Variants in MINDY3 observed in about 807,000 individuals in gnomAD.
MINDY3 encodes MINDY lysine 48 deubiquitinase 3, also known as ubiquitin carboxyl-terminal hydrolase MINDY-3.
MINDY3 carries 38 observed loss-of-function variants against 69.2 expected under a neutral mutation model. The observed-to-expected ratio is 0.55, with a 90% CI of 0.42 to 0.72. The LOEUF is 0.72. MINDY3 is among the 30% of genes least tolerant of loss of function. The pLI is 0.00. For missense variants in MINDY3, 522 were observed against 519.0 expected (o/e 1.01, Z -0.06); for synonymous variants, 192 against 180.1 (o/e 1.07, Z -0.53).
chr10:15,819,023 A>G (rs1429886662), intron 9 of MINDY3, among the ~76,000 whole-genome samples: 1 of 152,200 alleles, frequency 6.6e-6, no homozygotes, highest in Non-Finnish European at 1.5e-5. Context: ...AGTAGAGTCA[A>G]AAGTAGCCAT....
At chr10:15,811,737 A>T (rs1839015762) in intron 10 of MINDY3, among the ~76,000 whole-genome samples, 1 of 152,116 alleles carries the variant, frequency 6.6e-6, no homozygotes, top group Non-Finnish European at 1.5e-5. Context: ...GAAAAAAAAT[A>T]ACATATGTGC....
chr10:15,816,060 G>GT (rs1196363790), intron 10 of MINDY3, among the ~76,000 whole-genome samples: 2 of 152,126 alleles, frequency 1.3e-5, no homozygotes, highest in Non-Finnish European at 2.9e-5. Context: ...GAGGTTAGGA[G>GT]TTTGAGACCA....
In MINDY3 at chr10:15,837,290, A is replaced by G; in HGVS notation, c.490T>C (p.Leu164=). ...TACTGGTCCAAGACAGCATCTTTTA[A>G]TTCTGGTAAACTTCTGAACGATCTT... The part of the protein sequence containing the change: ...QKRSFRSLPE[L]KDAVLDQYSM... The change falls in exon 6 of 15, where the codon TTA becomes CTA. Residue 164 remains leucine (L), a synonymous_variant. Coordinates refer to ENST00000277632, the MANE Select transcript of MINDY3 (RefSeq NM_024948.4). 6.2e-7 allele frequency: 1 copy of G among 1,605,954 alleles called. No individual in the cohort carries two copies. Among genetic ancestry groups the G allele is most frequent in the Non-Finnish European group, 8.5e-7 (1 of 1,176,296 alleles).
intron 10 of MINDY3, among the ~76,000 whole-genome samples, chr10:15,801,829 C>T (rs774879648): frequency 3.2e-4 from 49 of 151,878 alleles, no homozygotes; most frequent in Non-Finnish European, 5.7e-4. Flanking sequence ...ATAGGATTTA[C>T]AGAGCCAATC....
intron 4 of MINDY3, 44 bp from the exon 5 acceptor site, chr10:15,838,323 A>G: frequency 6.6e-7 from 1 of 1,519,696 alleles, no homozygotes; most frequent in East Asian, 2.4e-5. Context: ...TGGCAAATAA[A>G]TGACACAAGA....
intron 14 of MINDY3, among the ~76,000 whole-genome samples, chr10:15,780,219 G>T (rs1836415663): frequency 6.6e-6 from 1 of 152,034 alleles, no homozygotes; most frequent in African/African-American, 2.4e-5. Context: ...TATAGGAATA[G>T]AATATATTAC....
chr10:15,829,885 G>A (rs572772007), intron 8 of MINDY3, among the ~76,000 whole-genome samples: 2 of 152,190 alleles, frequency 1.3e-5, no homozygotes, highest in South Asian at 4.1e-4. Context: ...AGATAATTTA[G>A]CAGTTTGCCC....
chr10:15,826,662 A>T (rs776293512), intron 8 of MINDY3, among the ~76,000 whole-genome samples: 1 of 152,230 alleles, frequency 6.6e-6, no homozygotes, highest in South Asian at 2.1e-4. Context: ...ATGCTAATGA[A>T]TATCAAAGTA....
chr10:15,832,895 G>T (rs1832828974), intron 8 of MINDY3, among the ~76,000 whole-genome samples: 1 of 152,100 alleles, frequency 6.6e-6, no homozygotes, highest in Non-Finnish European at 1.5e-5. Context: ...AATTATATTT[G>T]CTCTGTTTGA....
In MINDY3 at chr10:15,860,267, C is replaced by T. The variant is rs770226961; in HGVS notation, c.33G>A (p.Leu11=). Residue 11 remains leucine (L), a synonymous_variant, in exon 1 of 15, where the codon CTG becomes CTA. Transcript: ENST00000277632. The part of the protein sequence containing the change: MSELTKELME[L]VWGTKSSPGL... ...CGGGGCTGCTCTTGGTGCCCCACAC[C>T]AGCTCCATCAGCTCTTTAGTCAGTT... The T allele has an allele frequency of 1.2e-6, 2 of 1,609,326 alleles. No homozygotes were observed. The highest frequency in any genetic ancestry group is 4.5e-5 in the East Asian group (2 of 44,754).
At chr10:15,841,192 G>C (rs1023229800) in intron 4 of MINDY3, among the ~76,000 whole-genome samples, 4 of 150,898 alleles carry the variant, frequency 2.7e-5, no homozygotes, top group Non-Finnish European at 5.9e-5. Context: ...AAGTTAACCA[G>C]AACATTTTTA....
intron 8 of MINDY3, among the ~76,000 whole-genome samples, chr10:15,831,829 C>T (rs931200619): frequency 2.6e-5 from 4 of 152,064 alleles, no homozygotes; most frequent in African/African-American, 9.7e-5. Context: ...GCATGCATCA[C>T]CACATCTGGT....
intron 1 of MINDY3, among the ~76,000 whole-genome samples, chr10:15,848,697 T>G (rs78300736): frequency 0.027 from 3,892 of 142,732 alleles, 85 homozygotes; most frequent in Middle Eastern, 0.079. Context: ...AGACAGTACA[T>G]GTGTTTATAT....
intron 1 of MINDY3, among the ~76,000 whole-genome samples, chr10:15,856,007 G>A (rs1036807587): frequency 6.6e-6 from 1 of 151,986 alleles, no homozygotes; most frequent in African/African-American, 2.4e-5. Flanking sequence ...AGAAATATTG[G>A]TTGTTAGGCA....
rs1326517237 is a variant in MINDY3, at chr10:15,778,563, C to A, written c.*429G>T. On this transcript the variant is annotated 3_prime_UTR_variant, in exon 15 of 15. Coordinates refer to ENST00000277632, the MANE Select transcript of MINDY3 (RefSeq NM_024948.4). The stretch of plus-strand genomic sequence containing the variant: ...GATCTTAGAAAAATGAACTCTTCTG[C>A]ATTTCATTGTAGAGGCTGATATATT... 1.3e-5 allele frequency: 2 copies of A among 152,844 alleles called. No individual in the cohort carries two copies. The highest frequency in any genetic ancestry group is 1.9e-4 in the East Asian group (1 of 5,198). The allele number at this position is 152,844 out of a possible 1,614,324, so 9.5% of individuals were successfully genotyped here.
intron 13 of MINDY3, among the ~76,000 whole-genome samples, chr10:15,782,952 G>A (rs369570103): frequency 4.6e-5 from 7 of 152,288 alleles, no homozygotes; most frequent in African/African-American, 1.4e-4. Context: ...TTACAGGCCT[G>A]GCTCCCAGTG....
intron 13 of MINDY3, among the ~76,000 whole-genome samples, chr10:15,785,506 C>G (rs1286125550): frequency 6.6e-6 from 1 of 152,092 alleles, no homozygotes; most frequent in East Asian, 1.9e-4. Context: ...TTAATACTGT[C>G]TCAAAGTTTA....
intron 12 of MINDY3, among the ~76,000 whole-genome samples, chr10:15,788,633 A>AT (rs774967835): frequency 2.8e-4 from 43 of 152,126 alleles, no homozygotes; most frequent in Non-Finnish European, 5.1e-4. Flanking sequence ...AAGAAGAGTT[A>AT]TTTTTTCATG....
At position 15,778,561 on chromosome 10, in the gene MINDY3, T is replaced by C. The variant is rs1264462147; in HGVS notation, c.*431A>G. 1.3e-5 allele frequency: 2 copies of C among 152,924 alleles called. No homozygotes were observed. The highest frequency in any genetic ancestry group is 2.9e-5 in the Non-Finnish European group (2 of 68,556). 9.5% of individuals were successfully genotyped at this position (152,924 alleles called of 1,614,324 possible). On this transcript the variant is annotated 3_prime_UTR_variant, in exon 15 of 15. Transcript: ENST00000277632. The stretch of plus-strand genomic sequence containing the variant: ...CAGATCTTAGAAAAATGAACTCTTC[T>C]GCATTTCATTGTAGAGGCTGATATA...
Sources: gnomAD v4.1 joint callset for allele counts (sites outside exome capture counted in the v4.1 genomes callset) on GRCh38, gnomAD v4.1.1 for gene constraint, MANE v1.5 for transcripts, NCBI Gene and HGNC (gene_info 2026-07-23, HGNC 2026-07-21) for gene names.